Variants in RBFOX1 observed in about 807,000 individuals in gnomAD.
RBFOX1 encodes RNA binding fox-1 homolog 1, also known as RNA binding protein fox-1 homolog 1.
A neutral mutation model predicts 57.7 loss-of-function variants in RBFOX1; 8 were observed. The ratio of observed to expected loss-of-function variants is 0.14; its 90% CI spans 0.08 to 0.25. The LOEUF is 0.25. RBFOX1 is among the 10% of genes least tolerant of loss of function. The pLI is 1.00. For synonymous variants in RBFOX1, 326 were observed against 222.4 expected (o/e 1.47, Z -4.15); for missense variants, 611 against 548.5 (o/e 1.11, Z -1.14).
intron 3 of RBFOX1, among the ~76,000 whole-genome samples, chr16:6,988,563 ATTTAATTTT>A (rs2090792301): frequency 3.6e-5 from 4 of 110,470 alleles, no homozygotes; most frequent in African/African-American, 1.1e-4. Context: ...ATTTAACTTT[ATTTAATTTT>A]ATTTTATTTT....
intron 3 of RBFOX1, among the ~76,000 whole-genome samples, chr16:5,814,622 C>A (rs1411995091): frequency 1.3e-5 from 2 of 152,206 alleles, no homozygotes; most frequent in Non-Finnish European, 2.9e-5. Flanking sequence ...ATCCTGCCAC[C>A]TGGCCATTTA....
At chr16:7,036,792 T>A (rs973753125) in intron 3 of RBFOX1, among the ~76,000 whole-genome samples, 2 of 151,894 alleles carry the variant, frequency 1.3e-5, no homozygotes, top group Non-Finnish European at 2.9e-5. Context: ...GCAAGTTTAT[T>A]AAGAAAGTAG....
chr16:7,202,298 T>TTA (rs373183541), intron 4 of RBFOX1, among the ~76,000 whole-genome samples: 22 of 131,736 alleles, frequency 1.7e-4, no homozygotes, highest in African/African-American at 6.0e-4. Flanking sequence ...TGGCTGCAAA[T>TTA]AAAAAAAAAA....
intron 2 of RBFOX1, among the ~76,000 whole-genome samples, chr16:5,525,184 C>T (rs1251561971): frequency 6.6e-6 from 1 of 152,126 alleles, no homozygotes; most frequent in African/African-American, 2.4e-5. Context: ...TCAGGGACAG[C>T]TGTCAGGGTG....
chr16:7,248,683 T>C (rs2094400908), intron 4 of RBFOX1, among the ~76,000 whole-genome samples: 1 of 152,194 alleles, frequency 6.6e-6, no homozygotes, highest in South Asian at 2.1e-4. Flanking sequence ...GTACTGCAGA[T>C]AAGCACCAAG....
intron 1 of RBFOX1, among the ~76,000 whole-genome samples, chr16:5,396,266 C>T (rs1041687929): frequency 2.6e-4 from 40 of 152,192 alleles, no homozygotes; most frequent in African/African-American, 9.2e-4. Flanking sequence ...GATGTTACTG[C>T]TCTCACCAAT....
chr16:6,931,291 G>GTCTATCTATCTACCTA (rs1437093608), intron 3 of RBFOX1, among the ~76,000 whole-genome samples: 18 of 124,094 alleles, frequency 1.5e-4, no homozygotes, highest in African/African-American at 6.0e-4. Context: ...CTGTCTGTCT[G>GTCTATCTATCTACCTA]TCTGTCTATC....
chr16:6,740,321 A>G (rs2071676899), intron 3 of RBFOX1, among the ~76,000 whole-genome samples: 1 of 152,236 alleles, frequency 6.6e-6, no homozygotes, highest in Non-Finnish European at 1.5e-5. Flanking sequence ...AATGGTACAA[A>G]TGAATGATTT....
intron 4 of RBFOX1, among the ~76,000 whole-genome samples, chr16:7,411,902 CAAAAAA>C (rs60700135): frequency 8.4e-5 from 8 of 95,384 alleles, no homozygotes; most frequent in East Asian, 3.9e-4. Context: ...AAACTCCTTT[CAAAAAA>C]AAAAAAAAAA....
At chr16:5,319,256 G>T (rs944083816) in intron 1 of RBFOX1, among the ~76,000 whole-genome samples, 2 of 152,340 alleles carry the variant, frequency 1.3e-5, no homozygotes, top group African/African-American at 4.8e-5. Flanking sequence ...ATGTGGTAAG[G>T]ACTATGAGTG....
chr16:6,451,893 C>T (rs1021826853), intron 2 of RBFOX1, among the ~76,000 whole-genome samples: 1 of 150,786 alleles, frequency 6.6e-6, no homozygotes, highest in Admixed American at 6.6e-5. Flanking sequence ...TCCATGGCCA[C>T]TCCCTCCCAT....
At chr16:7,134,372 C>G (rs1003073508) in intron 4 of RBFOX1, among the ~76,000 whole-genome samples, 1 of 152,106 alleles carries the variant, frequency 6.6e-6, no homozygotes, top group African/African-American at 2.4e-5. Flanking sequence ...ACTTTAACAT[C>G]GCTCTGGGAG....
At chr16:7,466,099 C>T (rs1018379332) in intron 4 of RBFOX1, among the ~76,000 whole-genome samples, 5 of 152,164 alleles carry the variant, frequency 3.3e-5, no homozygotes, top group African/African-American at 1.2e-4. Context: ...AGCCCTGGGG[C>T]ACAGGGGAAA....
intron 3 of RBFOX1, among the ~76,000 whole-genome samples, chr16:6,735,923 A>ATTT (rs138048642): frequency 0.042 from 6,255 of 149,950 alleles, 175 homozygotes; most frequent in Non-Finnish European, 0.06. Context: ...TTTTGTCGCC[A>ATTT]TTTTTTTTTT....
chr16:6,230,594 C>T (rs1182015828), intron 1 of RBFOX1, among the ~76,000 whole-genome samples: 1 of 152,148 alleles, frequency 6.6e-6, no homozygotes, highest in African/African-American at 2.4e-5. Context: ...CTAGGATCAG[C>T]TGGGTGGAGG....
intron 10 of RBFOX1, among the ~76,000 whole-genome samples, chr16:7,612,779 T>C (rs189556589): frequency 6.6e-6 from 1 of 152,270 alleles, no homozygotes; most frequent in East Asian, 1.9e-4. Flanking sequence ...TGTCAAATGG[T>C]AAATTTATCT....
chr16:5,287,121 A>T (rs989462622), intron 1 of RBFOX1, among the ~76,000 whole-genome samples: 6 of 152,192 alleles, frequency 3.9e-5, no homozygotes, highest in African/African-American at 1.4e-4. Context: ...CTTGGGCAAT[A>T]TAGTGAGACC....
intron 3 of RBFOX1, among the ~76,000 whole-genome samples, chr16:5,643,938 G>T (rs1416529543): frequency 6.6e-6 from 1 of 152,158 alleles, no homozygotes; most frequent in Non-Finnish European, 1.5e-5. Flanking sequence ...TATACCAAAT[G>T]GGCCTATTTA....
rs116894111 is a variant in RBFOX1, at chr16:5,494,447, G to C, written c.258+27193G>C. On this transcript the variant is annotated intron_variant, in intron 2 of 2. Transcript: ENST00000585867. ...TTGCACATGCCTGGAATTTGGCAATGATGAATTACTCTGGGGGCATTGATG... is the reference window on the plus strand; with the variant it reads ...TTGCACATGCCTGGAATTTGGCAATCATGAATTACTCTGGGGGCATTGATG... 5.7e-3 allele frequency among the ~76,000 whole-genome samples: 870 copies of C among 152,324 alleles called. 8 individuals carry two copies. The highest frequency in any genetic ancestry group is 0.01 in the Non-Finnish European group (714 of 68,034).
Sources: gnomAD v4.1 joint callset for allele counts (sites outside exome capture counted in the v4.1 genomes callset) on GRCh38, gnomAD v4.1.1 for gene constraint, MANE v1.5 for transcripts, NCBI Gene and HGNC (gene_info 2026-07-23, HGNC 2026-07-21) for gene names.